Variants in APLF observed in about 807,000 individuals in gnomAD.
APLF encodes the protein aprataxin and PNKP like factor.
In APLF, 61 loss-of-function variants were observed where a neutral mutation model predicts 55.6. That is an observed-to-expected ratio of 1.10 (90% confidence interval 0.89 to 1.36). The LOEUF (loss-of-function observed/expected upper bound fraction) is 1.36. Among genes scored for constraint, APLF ranks in the 40% most tolerant of loss-of-function variants. APLF has a pLI of 0.00. For synonymous variants in APLF, 207 were observed against 214.8 expected, an observed-to-expected ratio of 0.96 and a Z score of 0.32; for missense variants, 611 against 602.5, an observed-to-expected ratio of 1.01 and a Z score of -0.15.
chr2:68,547,416 G>A (rs1315209454), intron 8 of APLF, among the ~76,000 whole-genome samples: 1 of 151,646 alleles, frequency 6.6e-6, no homozygotes, highest in Non-Finnish European at 1.5e-5. Context: ...GATAAAAATA[G>A]CCATGACAAT....
intron 5 of APLF, among the ~76,000 whole-genome samples, chr2:68,524,597 T>C (rs913137879): frequency 8.5e-5 from 13 of 152,236 alleles, no homozygotes; most frequent in African/African-American, 2.9e-4. Flanking sequence ...TCTGGCTTTT[T>C]ACAGAAAAAG....
At chr2:68,518,400 C>T (rs557602041) in intron 5 of APLF, among the ~76,000 whole-genome samples, 11 of 88,194 alleles carry the variant, frequency 1.2e-4, no homozygotes, top group South Asian at 3.0e-4. Context: ...TAATATATAA[C>T]AATATATTAT....
At chr2:68,483,405 G>T (rs1485865331) in intron 1 of APLF, among the ~76,000 whole-genome samples, 2 of 152,172 alleles carry the variant, frequency 1.3e-5, no homozygotes, top group Non-Finnish European at 2.9e-5. Context: ...CAGAGGCAGG[G>T]TGCCTTGCAC....
chr2:68,545,263 G>A lies in APLF; in HGVS notation c.1237G>A (p.Asp413Asn). The A allele has an allele frequency of 6.2e-7, 1 of 1,613,906 alleles. No homozygotes were observed. The highest frequency in any genetic ancestry group is 8.5e-7 in the Non-Finnish European group (1 of 1,179,840). Residue 413 changes from aspartate (D) to asparagine (N), a missense_variant, in exon 8 of 10, where the codon GAT (aspartate) becomes AAT (asparagine). Physicochemically the swap from Asp to Asn is conservative, Grantham distance 23. Transcript: ENST00000303795. ...DYGGVQIVGQDETDDRPECPY... is the reference protein window; with the variant it reads ...DYGGVQIVGQNETDDRPECPY... ...TGGAGGTGTACAAATCGTGGGCCAA[G>A]ATGAGACTGATGACCGGCCTGAATG...
At chr2:68,569,444 C>A (rs1671395092) in intron 9 of APLF, among the ~76,000 whole-genome samples, 1 of 152,084 alleles carries the variant, frequency 6.6e-6, no homozygotes, top group Non-Finnish European at 1.5e-5. Context: ...CAATCAAAGA[C>A]ATCAAGGTAG....
intron 5 of APLF, among the ~76,000 whole-genome samples, chr2:68,515,892 C>A (rs141707389): frequency 1.1e-3 from 164 of 151,766 alleles, no homozygotes; most frequent in African/African-American, 3.8e-3. Context: ...TTCTGTGGTG[C>A]TGTTATTTTT....
intron 8 of APLF, among the ~76,000 whole-genome samples, chr2:68,553,822 C>T (rs1349423284): frequency 6.6e-6 from 1 of 152,040 alleles, no homozygotes; most frequent in Non-Finnish European, 1.5e-5. Context: ...AATTTGCCTT[C>T]ACAAAACAGT....
At chr2:68,536,436 CA>C (rs1399392211) in intron 6 of APLF, among the ~76,000 whole-genome samples, 2 of 152,024 alleles carry the variant, frequency 1.3e-5, no homozygotes, top group Non-Finnish European at 2.9e-5. Flanking sequence ...TGGCATCCAG[CA>C]TACATGAGTC....
intron 8 of APLF, among the ~76,000 whole-genome samples, chr2:68,553,166 G>A (rs1441508289): frequency 1.3e-5 from 2 of 151,842 alleles, no homozygotes; most frequent in African/African-American, 2.4e-5. Flanking sequence ...TCACTGGGGG[G>A]TTGTCTTTTC....
rs572336834 is a variant in APLF, at chr2:68,482,774, G to T, written c.97-7416G>T. Among the ~76,000 whole-genome samples, 17 of 152,268 alleles carry T rather than the reference G, an allele frequency of 1.1e-4. No individual in the cohort carries two copies. The East Asian group carries it at 3.3e-3, about 29-fold the overall frequency. On this transcript the variant is annotated intron_variant, in intron 1 of 9. Coordinates refer to ENST00000303795, the MANE Select transcript of APLF (RefSeq NM_173545.3). The stretch of plus-strand genomic sequence containing the variant: ...CACCAGACTGTTTCCTCATTTGGGG[G>T]TATGGACACACAATGATTAGGCCAG...
At chr2:68,525,132 A>G (rs896589775) in intron 5 of APLF, among the ~76,000 whole-genome samples, 1 of 152,064 alleles carries the variant, frequency 6.6e-6, no homozygotes, top group Admixed American at 6.6e-5. Context: ...TGTCTCTACT[A>G]AAAATACAAA....
intron 3 of APLF, among the ~76,000 whole-genome samples, chr2:68,506,384 G>A (rs1041146296): frequency 3.3e-5 from 5 of 151,574 alleles, no homozygotes; most frequent in African/African-American, 9.7e-5. Flanking sequence ...GCAAGGGGAA[G>A]TGGACTATGT....
chr2:68,519,092 TATATAATA>T (rs1475125551), intron 5 of APLF, among the ~76,000 whole-genome samples: 1 of 124,924 alleles, frequency 8.0e-6, no homozygotes, highest in Non-Finnish European at 1.6e-5. Flanking sequence ...ATATAATTAA[TATATAATA>T]ATATAATATA....
chr2:68,563,420 G>C, intron 8 of APLF: 2 of 904,252 alleles, frequency 2.2e-6, no homozygotes, highest in Non-Finnish European at 2.6e-6. Flanking sequence ...GAGGTTGGTG[G>C]ATGCAGATGG....
At chr2:68,561,364 A>T (rs1449413183) in intron 8 of APLF, among the ~76,000 whole-genome samples, 1 of 152,088 alleles carries the variant, frequency 6.6e-6, no homozygotes, top group Non-Finnish European at 1.5e-5. Flanking sequence ...CTGATCTTGA[A>T]ATCTGAGCCC....
intron 8 of APLF, among the ~76,000 whole-genome samples, chr2:68,553,000 T>C (rs952388757): frequency 6.6e-6 from 1 of 152,094 alleles, no homozygotes; most frequent in African/African-American, 2.4e-5. Context: ...TGCCTACTGC[T>C]TTAAAAATAA....
Position 68,513,584 on chromosome 2 carries a change from C to T in APLF, c.526C>T (p.Gln176Ter), listed in dbSNP as rs1440691220. The change falls in exon 5 of 10, where the codon CAG becomes TAG. Residue 176 changes from glutamine (Q) to a stop codon, truncating the protein, a stop_gained. Transcript: ENST00000303795. LOFTEE classifies it high-confidence loss of function. ...LGENRDCNKQ[Q>*]PILAERKRIL... ...TGAAAATAGAGACTGCAATAAGCAG[C>T]AGCCAATCCTTGCCGAGAGGAAAAG... 6.2e-7 allele frequency: 1 copy of T among 1,611,422 alleles called. No individual in the cohort carries two copies. The highest frequency in any genetic ancestry group is 1.1e-5 in the South Asian group (1 of 90,974).
chr2:68,510,303 T>C lies in APLF; in HGVS notation c.342-2777T>C, dbSNP rs564045575. On this transcript the variant is annotated intron_variant, in intron 3 of 9. Transcript: ENST00000303795. Reference sequence around the variant, plus strand: ...TTGTAAATCACATATAACAGACTTATATTCAGAATATCTAAAGAATCCTCA... The same window carrying C: ...TTGTAAATCACATATAACAGACTTACATTCAGAATATCTAAAGAATCCTCA... 3.9e-5 allele frequency among the ~76,000 whole-genome samples: 6 copies of C among 152,006 alleles called. No individual in the cohort carries two copies. In the South Asian group the frequency reaches 1.0e-3, roughly 26 times the overall value.
intron 5 of APLF, among the ~76,000 whole-genome samples, chr2:68,514,483 C>G (rs545289337): frequency 6.6e-6 from 1 of 151,826 alleles, no homozygotes; most frequent in East Asian, 1.9e-4. Context: ...ACCCTGTTTC[C>G]CCTGTTATGT....
Sources: allele counts gnomAD v4.1 joint callset (sites outside exome capture counted in the v4.1 genomes callset), GRCh38; gene constraint gnomAD v4.1.1; transcripts MANE v1.5; gene names NCBI Gene and HGNC (gene_info 2026-07-23, HGNC 2026-07-21).